The following ZNG1E variants were observed in gnomAD, a reference collection of about 807,000 sequenced individuals.
ZNG1E encodes zinc-regulated GTPase metalloprotein activator 1E.
the ZNG1E span, among the ~76,000 whole-genome samples, chr9:65,664,683 A>T: frequency 6.6e-6 from 1 of 151,834 alleles, no homozygotes; most frequent in Non-Finnish European, 1.5e-5. Context: ...GAACTGGGCA[A>T]CAAGCAGAGG....
the ZNG1E span, among the ~76,000 whole-genome samples, chr9:65,678,933 CTG>C: frequency 6.5e-5 from 9 of 137,914 alleles, no homozygotes; most frequent in African/African-American, 2.1e-4. Flanking sequence ...GTTGAAGAAA[CTG>C]TTTCAACTTG....
the ZNG1E span, among the ~76,000 whole-genome samples, chr9:65,660,847 A>T: frequency 1.4e-5 from 2 of 141,996 alleles, no homozygotes; most frequent in African/African-American, 5.5e-5. Flanking sequence ...ATATATATAT[A>T]TATATATAAA....
the ZNG1E span, among the ~76,000 whole-genome samples, chr9:65,683,840 A>G: frequency 6.6e-6 from 1 of 152,290 alleles, no homozygotes; most frequent in Admixed American, 6.5e-5. Context: ...TACCTTTCTG[A>G]TAAATCTGAC....
At chr9:65,661,783 A>G in the ZNG1E span, among the ~76,000 whole-genome samples, 1 of 152,238 alleles carries the variant, frequency 6.6e-6, no homozygotes, top group Non-Finnish European at 1.5e-5. Flanking sequence ...ACACAGACAC[A>G]AAGGAATTTT....
the ZNG1E span, among the ~76,000 whole-genome samples, chr9:65,658,525 T>G: frequency 2.0e-5 from 3 of 147,938 alleles, no homozygotes; most frequent in African/African-American, 5.0e-5. Context: ...ATCAATAAAA[T>G]AATTCAAGAA....
At chr9:65,668,430 G>A in the ZNG1E span, among the ~76,000 whole-genome samples, 18 of 148,642 alleles carry the variant, frequency 1.2e-4, no homozygotes, top group African/African-American at 4.5e-4. Context: ...CTTTTCTACT[G>A]TTTGAATTTT....
chr9:65,686,577 A>C, the ZNG1E span, among the ~76,000 whole-genome samples: 1 of 152,126 alleles, frequency 6.6e-6, no homozygotes, highest in Non-Finnish European at 1.5e-5. Flanking sequence ...CGGAGGTGGC[A>C]GTGAGCTGAG....
the ZNG1E span, among the ~76,000 whole-genome samples, chr9:65,676,599 TC>T: frequency 6.6e-6 from 1 of 151,232 alleles, no homozygotes; most frequent in Non-Finnish European, 1.5e-5. Context: ...GGAGCCAAAG[TC>T]CTCCAGCCAG....
chr9:65,732,542 C>T, the ZNG1E span: 1 of 1,078,636 alleles, frequency 9.3e-7, no homozygotes, highest in Non-Finnish European at 1.1e-6. Context: ...TTCTTTATTT[C>T]AACATTGTTC....
At chr9:65,709,917 AG>A in the ZNG1E span, among the ~76,000 whole-genome samples, 1 of 151,754 alleles carries the variant, frequency 6.6e-6, no homozygotes, top group African/African-American at 2.4e-5. Context: ...TAGATCCCTG[AG>A]GAATCACCAC....
the ZNG1E span, among the ~76,000 whole-genome samples, chr9:65,688,161 GAATTAATTGGTTAAGTCATTAATTATT>G: frequency 1.7e-4 from 26 of 149,950 alleles, no homozygotes; most frequent in African/African-American, 4.9e-4. Context: ...TATTTTAAAT[GAATTAATTGGTTAAGTCATTAATTATT>G]AATTAATTGG....
the ZNG1E span, among the ~76,000 whole-genome samples, chr9:65,680,131 T>TA: frequency 1.3e-5 from 2 of 150,840 alleles, no homozygotes; most frequent in South Asian, 2.1e-4. Context: ...GTTATCTTTA[T>TA]AGGAGTTTTT....
chr9:65,714,868 C>G, the ZNG1E span, among the ~76,000 whole-genome samples: 1 of 151,984 alleles, frequency 6.6e-6, no homozygotes, highest in Admixed American at 6.6e-5. Context: ...TGTGCCCTGC[C>G]CCCAGAGGTG....
chr9:65,662,115 G>A, the ZNG1E span, among the ~76,000 whole-genome samples: 3 of 152,226 alleles, frequency 2.0e-5, no homozygotes, highest in Admixed American at 2.0e-4. Flanking sequence ...TGTGCCTCCT[G>A]AAGTGATGCA....
chr9:65,720,127 T>C, the ZNG1E span: 6 of 1,590,872 alleles, frequency 3.8e-6, no homozygotes, highest in African/African-American at 1.5e-5. Context: ...AAATTCCTAA[T>C]CAATGTTTTT....
chr9:65,720,049 A>T, the ZNG1E span: 17 of 1,597,524 alleles, frequency 1.1e-5, no homozygotes, highest in Non-Finnish European at 1.4e-5. Flanking sequence ...AGTTTGCAGA[A>T]AAAACTTCAG....
At chr9:65,684,787 C>A in the ZNG1E span, among the ~76,000 whole-genome samples, 1 of 152,222 alleles carries the variant, frequency 6.6e-6, no homozygotes, top group Admixed American at 6.5e-5. Context: ...TTATACTGTA[C>A]AGCCATACTG....
the ZNG1E span, among the ~76,000 whole-genome samples, chr9:65,691,541 G>T: frequency 6.6e-6 from 1 of 152,236 alleles, no homozygotes; most frequent in Non-Finnish European, 1.5e-5. Context: ...GGAACTCGAT[G>T]TCACTCAACT....
chr9:65,707,902 C>T, the ZNG1E span: 1 of 145,432 alleles, frequency 6.9e-6, no homozygotes, highest in Non-Finnish European at 1.5e-5. Context: ...CACTCTGTGC[C>T]AGGCTGGAGT....
Sources: allele counts gnomAD v4.1 joint callset (sites outside exome capture counted in the v4.1 genomes callset), GRCh38; gene constraint gnomAD v4.1.1; transcripts MANE v1.5; gene names NCBI Gene and HGNC (gene_info 2026-07-23, HGNC 2026-07-21).